The following FNBP1L variants were observed in gnomAD, a reference collection of about 807,000 sequenced individuals.
FNBP1L encodes formin binding protein 1 like.
In FNBP1L, 36 loss-of-function variants were observed where a neutral mutation model predicts 91.2. That is an observed-to-expected ratio of 0.39 (90% CI 0.30 to 0.52). The LOEUF (loss-of-function observed/expected upper bound fraction) is 0.52, where lower values mean the gene tolerates loss of function less well. FNBP1L is among the 20% of genes least tolerant of loss of function. The pLI is 0.66. For synonymous variants in FNBP1L, 242 were observed against 237.0 expected (o/e 1.02, Z -0.19); for missense variants, 571 against 732.1 (o/e 0.78, Z 2.54).
At position 93,448,245 on chromosome 1, in the gene FNBP1L, G is replaced by A. The variant is rs1668335569; in HGVS notation, c.-37G>A. The A allele has an allele frequency of 2.6e-6, 4 of 1,521,286 alleles. No homozygotes were observed. The East Asian group carries it at 8.3e-5, about 32-fold the overall frequency. The allele number at this position is 1,521,286 out of a possible 1,614,324, so 94.2% of individuals were successfully genotyped here. On this transcript the variant is annotated 5_prime_UTR_variant, in exon 1 of 17. Transcript: ENST00000271234. ...CAGACTGTGGAGCCGACAGACTGAA[G>A]GACAGCGGCACCGCCAGACGGCCAG...
intron 1 of FNBP1L, among the ~76,000 whole-genome samples, chr1:93,451,469 A>G (rs1668490443): frequency 6.6e-6 from 1 of 152,188 alleles, no homozygotes. Flanking sequence ...ATTTACTGAA[A>G]AATTTGCTAC....
At chr1:93,506,231 G>A (rs1260081856) in intron 2 of FNBP1L, among the ~76,000 whole-genome samples, 5 of 152,140 alleles carry the variant, frequency 3.3e-5, no homozygotes, top group East Asian at 3.8e-4. Context: ...CTGAAACACC[G>A]CCAAAGCCCT....
At chr1:93,511,035 G>A (rs1472780274) in intron 2 of FNBP1L, among the ~76,000 whole-genome samples, 2 of 152,170 alleles carry the variant, frequency 1.3e-5, no homozygotes, top group African/African-American at 4.8e-5. Flanking sequence ...CACTCTGCAG[G>A]ATATTATCCA....
intron 1 of FNBP1L, among the ~76,000 whole-genome samples, chr1:93,474,245 A>AAAAAAC (rs1479918145): frequency 1.3e-5 from 2 of 151,000 alleles, no homozygotes; most frequent in Admixed American, 6.6e-5. Flanking sequence ...TCCGTCTCAA[A>AAAAAAC]AAAAACAAAA....
intron 10 of FNBP1L, among the ~76,000 whole-genome samples, chr1:93,537,989 C>T (rs1467379713): frequency 6.6e-6 from 1 of 152,084 alleles, no homozygotes; most frequent in Non-Finnish European, 1.5e-5. Context: ...CACTACTCCT[C>T]TGGCAATTTA....
intron 2 of FNBP1L, among the ~76,000 whole-genome samples, chr1:93,506,527 A>G (rs976087482): frequency 1.5e-4 from 17 of 110,596 alleles, no homozygotes; most frequent in African/African-American, 4.0e-4. Flanking sequence ...AAGTAAGTTA[A>G]GAAAAGGGGT....
At chr1:93,491,592 C>T (rs1410287957) in intron 1 of FNBP1L, among the ~76,000 whole-genome samples, 1 of 152,180 alleles carries the variant, frequency 6.6e-6, no homozygotes, top group African/African-American at 2.4e-5. Context: ...CCACCTGGGC[C>T]TCCTAAAGTG....
chr1:93,517,200 TGCCTG>T (rs1408763649), intron 2 of FNBP1L, among the ~76,000 whole-genome samples: 4 of 152,046 alleles, frequency 2.6e-5, no homozygotes, highest in Non-Finnish European at 5.9e-5. Context: ...TGCGCCACCA[TGCCTG>T]GCTAATTTTT....
intron 2 of FNBP1L, among the ~76,000 whole-genome samples, chr1:93,500,827 CTA>C (rs2101726322): frequency 6.6e-6 from 1 of 152,278 alleles, no homozygotes; most frequent in Admixed American, 6.5e-5. Context: ...ATGATAAACA[CTA>C]TTATATTTAC....
At chr1:93,551,488 G>C (rs2101779517) in intron 16 of FNBP1L, 1 of 988,236 alleles carries the variant, frequency 1.0e-6, no homozygotes, top group Non-Finnish European at 1.2e-6. Flanking sequence ...TGACTTTAGT[G>C]AATTTGAATA....
intron 2 of FNBP1L, among the ~76,000 whole-genome samples, chr1:93,519,691 TG>T (rs1671256043): frequency 6.6e-6 from 1 of 152,210 alleles, no homozygotes. Context: ...GACTCACACC[TG>T]TAATCCCAGT....
chr1:93,479,603 C>A (rs150344707), intron 1 of FNBP1L, among the ~76,000 whole-genome samples: 3 of 152,142 alleles, frequency 2.0e-5, no homozygotes, highest in Admixed American at 6.5e-5. Context: ...GACCTCCCCC[C>A]AGGAATGCAA....
At chr1:93,550,851 T>G in intron 15 of FNBP1L, 96 bp from the exon 16 acceptor site, 1 of 1,190,060 alleles carries the variant, frequency 8.4e-7, no homozygotes, top group South Asian at 2.2e-5. Flanking sequence ...TACATTGAAA[T>G]CTAGTAGGGT....
intron 1 of FNBP1L, among the ~76,000 whole-genome samples, chr1:93,473,122 TTTC>T (rs1669364038): frequency 6.6e-6 from 1 of 151,934 alleles, no homozygotes; most frequent in South Asian, 2.2e-4. Flanking sequence ...GATTTGTCTA[TTTC>T]TTTTTTTCAT....
At chr1:93,551,386 G>A (rs1672410993) in intron 16 of FNBP1L, 1 of 1,061,792 alleles carries the variant, frequency 9.4e-7, no homozygotes, top group Non-Finnish European at 1.1e-6. Context: ...TGAAGGATTT[G>A]TGTTTTTCTG....
chr1:93,496,238 C>T (rs533915530), intron 1 of FNBP1L, among the ~76,000 whole-genome samples: 1 of 151,318 alleles, frequency 6.6e-6, no homozygotes, highest in Non-Finnish European at 1.5e-5. Flanking sequence ...CCCTCCCCAC[C>T]TCCCCCTTCC....
intron 2 of FNBP1L, among the ~76,000 whole-genome samples, chr1:93,515,243 A>G (rs988864566): frequency 4.6e-5 from 7 of 152,134 alleles, no homozygotes; most frequent in African/African-American, 1.7e-4. Context: ...TAGAATGGCA[A>G]TCATTAAAAA....
intron 1 of FNBP1L, among the ~76,000 whole-genome samples, chr1:93,493,587 G>GT (rs1420018511): frequency 6.6e-6 from 1 of 151,998 alleles, no homozygotes; most frequent in Non-Finnish European, 1.5e-5. Flanking sequence ...TTTGACTATT[G>GT]TAAGTACCTC....
At chr1:93,460,305 G>A (rs7543847) in intron 1 of FNBP1L, among the ~76,000 whole-genome samples, 101,445 of 152,036 alleles carry the variant, frequency 0.67, 34,022 homozygotes, top group South Asian at 0.7. Context: ...CCAAGGCGCT[G>A]TCTTGGAAGC....
Sources: allele counts gnomAD v4.1 joint callset (sites outside exome capture counted in the v4.1 genomes callset), GRCh38; gene constraint gnomAD v4.1.1; transcripts MANE v1.5; gene names NCBI Gene and HGNC (gene_info 2026-07-23, HGNC 2026-07-21).